Variants in MOGAT1 observed in about 807,000 individuals in gnomAD.
MOGAT1 encodes the protein 2-acylglycerol O-acyltransferase 1.
In MOGAT1, 32 loss-of-function variants were observed where a neutral mutation model predicts 31.4. The observed-to-expected ratio is 1.02, with a 90% confidence interval of 0.77 to 1.37. MOGAT1 has a LOEUF of 1.37. MOGAT1 is among the 40% of genes most tolerant of loss of function. The pLI, the probability that MOGAT1 is intolerant of heterozygous loss-of-function variation, is 0.00. For missense variants in MOGAT1, 426 were observed against 402.0 expected (o/e 1.06, Z -0.51); for synonymous variants, 145 against 144.5 (o/e 1.00, Z -0.03).
rs755493845 is a variant in MOGAT1, at chr2:222,692,140, C to T, written c.479-2222C>T. 8.5e-5 allele frequency among the ~76,000 whole-genome samples: 13 copies of T among 152,248 alleles called. No individual in the cohort carries two copies. The East Asian group carries it at 1.4e-3, about 16-fold the overall frequency. The stretch of plus-strand genomic sequence containing the variant: ...AGATAATTCAGGCAGCAGCTTGGAA[C>T]GTGGTTACAGGCAGGTAGGCCTGGA... On this transcript the variant is annotated intron_variant, in intron 3 of 5. Transcript: ENST00000446656.
intron 1 of MOGAT1, 67 bp downstream of exon 1, chr2:222,671,946 C>T (rs1338257225): frequency 2.0e-5 from 26 of 1,289,980 alleles, no homozygotes; most frequent in Non-Finnish European, 2.7e-5. Flanking sequence ...GGTCCGGATT[C>T]CAGGACCTGC....
intron 1 of MOGAT1, among the ~76,000 whole-genome samples, chr2:222,684,505 A>G (rs770793601): frequency 4.6e-5 from 7 of 152,200 alleles, no homozygotes; most frequent in Non-Finnish European, 7.3e-5. Context: ...TTTAAATTAG[A>G]ACAACTTCTT....
chr2:222,678,054 T>C (rs1223054168), intron 1 of MOGAT1: 2 of 240,788 alleles, frequency 8.3e-6, no homozygotes, highest in African/African-American at 4.6e-5. Context: ...TGTTGTCTCA[T>C]GGCTCCAACC....
chr2:222,707,500 A>G (rs1693023558), intron 5 of MOGAT1, among the ~76,000 whole-genome samples: 1 of 152,132 alleles, frequency 6.6e-6, no homozygotes, highest in Non-Finnish European at 1.5e-5. Flanking sequence ...CAGGGCACTT[A>G]CTGGTGAGCT....
chr2:222,672,955 C>T (rs1368262745), intron 1 of MOGAT1, among the ~76,000 whole-genome samples: 1 of 149,206 alleles, frequency 6.7e-6, no homozygotes, highest in Admixed American at 6.7e-5. Flanking sequence ...CTCTTGTTGC[C>T]CACGCTGGAG....
chr2:222,695,354 G>C, intron 5 of MOGAT1, 66 bp downstream of exon 5: 1 of 1,094,506 alleles, frequency 9.1e-7, no homozygotes, highest in Non-Finnish European at 1.3e-6. Flanking sequence ...ATTGATTGAG[G>C]TGCTAATGCA....
rs1476005148 is a variant in MOGAT1 at position 222,671,956 on chromosome 2, C to CA, written c.94+78dup. The CA allele has an allele frequency of 2.5e-6, 3 of 1,191,164 alleles. 1 individual carries two copies. The highest frequency in any genetic ancestry group is 1.2e-6 in the Non-Finnish European group (1 of 825,336). 73.8% of individuals were successfully genotyped at this position (1,191,164 alleles called of 1,614,324 possible). On this transcript the variant is annotated intron_variant, in intron 1 of 5. Coordinates refer to ENST00000446656, the MANE Select transcript of MOGAT1 (RefSeq NM_058165.3). The stretch of plus-strand genomic sequence containing the variant: ...GGGACGGTCCGGATTCCAGGACCTG[C>CA]ATAGAACCTTCCAACCCTCGTTCCC...
At chr2:222,708,402 C>G (rs548507171) in intron 5 of MOGAT1, among the ~76,000 whole-genome samples, 1 of 152,206 alleles carries the variant, frequency 6.6e-6, no homozygotes, top group Admixed American at 6.5e-5. Flanking sequence ...CATTTTCAAC[C>G]CTTGGCATCA....
chr2:222,708,301 A>G (rs10932969), intron 5 of MOGAT1, among the ~76,000 whole-genome samples: 92,022 of 151,818 alleles, frequency 0.61, 28,560 homozygotes, highest in Middle Eastern at 0.74. Context: ...TCAGGCTAGT[A>G]TCGAACTCCT....
Position 222,695,206 on chromosome 2 carries a change from TGCTTTGC to T in MOGAT1, c.772_778del (p.Ala258ProfsTer15), listed in dbSNP as rs756793823. On this transcript the variant is annotated frameshift_variant, in exon 5 of 6. Transcript: ENST00000446656. LOFTEE classifies it high-confidence loss of function. ...ATAAACTGCAGAAGATCATGGGGTTTGCTTTGCCCCTGTTTCATGCCAGGGGAGTTTT... is the reference window on the plus strand; with the variant it reads ...ATAAACTGCAGAAGATCATGGGGTTTCCCTGTTTCATGCCAGGGGAGTTTT... 1 of 1,613,802 alleles carries T rather than the reference TGCTTTGC, an allele frequency of 6.2e-7. No homozygotes were observed. Among genetic ancestry groups the T allele is most frequent in the African/African-American group, 1.3e-5 (1 of 75,068 alleles).
At chr2:222,701,531 AAG>A (rs1485434956) in intron 5 of MOGAT1, among the ~76,000 whole-genome samples, 3 of 105,514 alleles carry the variant, frequency 2.8e-5, no homozygotes, top group Admixed American at 1.7e-4. Flanking sequence ...AAAAGAAAGA[AAG>A]AGAAAGAAAA....
intron 3 of MOGAT1, among the ~76,000 whole-genome samples, chr2:222,693,065 A>G (rs1244251286): frequency 6.6e-6 from 1 of 152,224 alleles, no homozygotes; most frequent in Non-Finnish European, 1.5e-5. Flanking sequence ...ACCCAGAGTA[A>G]AATTAGCATA....
chr2:222,702,236 T>A (rs972703421), intron 5 of MOGAT1, among the ~76,000 whole-genome samples: 7 of 151,630 alleles, frequency 4.6e-5, no homozygotes, highest in Non-Finnish European at 7.4e-5. Context: ...AGGGAGGGGG[T>A]CCTCAGAGAC....
At chr2:222,672,676 C>A (rs1692437902) in intron 1 of MOGAT1, among the ~76,000 whole-genome samples, 1 of 152,018 alleles carries the variant, frequency 6.6e-6, no homozygotes, top group South Asian at 2.1e-4. Context: ...CTTCTGAAGA[C>A]TAAGATCATG....
At chr2:222,690,770 C>T (rs1486095580) in intron 3 of MOGAT1, among the ~76,000 whole-genome samples, 1 of 152,178 alleles carries the variant, frequency 6.6e-6, no homozygotes, top group Non-Finnish European at 1.5e-5. Context: ...CTCCAAGCTA[C>T]CGGAAGATCC....
At chr2:222,686,133 G>A (rs546652859) in intron 1 of MOGAT1, among the ~76,000 whole-genome samples, 1 of 152,258 alleles carries the variant, frequency 6.6e-6, no homozygotes, top group African/African-American at 2.4e-5. Flanking sequence ...GCTTCTTTAT[G>A]CTTACGAACC....
At chr2:222,701,962 A>G (rs748813166) in intron 5 of MOGAT1, among the ~76,000 whole-genome samples, 6 of 152,228 alleles carry the variant, frequency 3.9e-5, no homozygotes, top group Non-Finnish European at 7.3e-5. Context: ...CAGGGATATT[A>G]TGGGGATTAA....
chr2:222,679,121 C>T (rs536794635), intron 1 of MOGAT1, among the ~76,000 whole-genome samples: 31 of 152,192 alleles, frequency 2.0e-4, no homozygotes, highest in Admixed American at 9.2e-4. Flanking sequence ...TCCAATGGTT[C>T]CAGCTCTTTT....
chr2:222,699,790 G>T (rs559839984), intron 5 of MOGAT1, among the ~76,000 whole-genome samples: 2 of 152,046 alleles, frequency 1.3e-5, no homozygotes, highest in Non-Finnish European at 2.9e-5. Flanking sequence ...GAGCCACCGC[G>T]CCCAGCTTCT....
Sources: gnomAD v4.1 joint callset for allele counts (sites outside exome capture counted in the v4.1 genomes callset) on GRCh38, gnomAD v4.1.1 for gene constraint, MANE v1.5 for transcripts, NCBI Gene and HGNC (gene_info 2026-07-23, HGNC 2026-07-21) for gene names.